The following TEX36 variants were observed in gnomAD, a reference collection of about 807,000 sequenced individuals.
TEX36 encodes testis-expressed protein 36.
Under a neutral mutation model 13.6 loss-of-function variants are expected in TEX36, and 12 were observed. The observed-to-expected ratio is 0.88, with a 90% CI of 0.56 to 1.43. The LOEUF is 1.43. TEX36 is among the 40% of genes most tolerant of loss of function. The probability of loss-of-function intolerance (pLI) is 0.00; values close to 1 mark genes in which losing one functional copy is unlikely to be tolerated. For missense variants in TEX36, 224 were observed against 228.3 expected (o/e 0.98, Z 0.12); for synonymous variants, 93 against 83.0 (o/e 1.12, Z -0.65).
chr10:125,639,033 G>A (rs1846652998), intron 3 of TEX36, among the ~76,000 whole-genome samples: 1 of 152,240 alleles, frequency 6.6e-6, no homozygotes, highest in Non-Finnish European at 1.5e-5. Context: ...AATGTGTTTA[G>A]TGCTTTAGTA....
chr10:125,667,352 T>C (rs1376996965), intron 1 of TEX36: 1 of 645,820 alleles, frequency 1.5e-6, no homozygotes, highest in Non-Finnish European at 3.0e-6. Context: ...CTGGCAGTGC[T>C]TCAAGTCATG....
At chr10:125,678,406 G>C (rs1461520167) in intron 1 of TEX36, among the ~76,000 whole-genome samples, 1 of 152,112 alleles carries the variant, frequency 6.6e-6, no homozygotes, top group Admixed American at 6.5e-5. Context: ...AGGCCCCATT[G>C]GTGGCAGCAG....
chr10:125,624,808 AG>A (rs1227046705), intron 3 of TEX36, among the ~76,000 whole-genome samples: 1 of 152,114 alleles, frequency 6.6e-6, no homozygotes, highest in Non-Finnish European at 1.5e-5. Context: ...GGCAGATCCC[AG>A]GGAAAGTGAC....
intron 3 of TEX36, among the ~76,000 whole-genome samples, chr10:125,579,390 C>G (rs1845859856): frequency 6.6e-6 from 1 of 152,170 alleles, no homozygotes; most frequent in South Asian, 2.1e-4. Flanking sequence ...AATTCACTCA[C>G]TATCATGAGA....
chr10:125,588,568 A>G (rs989502778), intron 3 of TEX36, among the ~76,000 whole-genome samples: 10 of 150,986 alleles, frequency 6.6e-5, no homozygotes, highest in African/African-American at 2.5e-4. Flanking sequence ...AAAGAGGGAG[A>G]GAAGCGGGAG....
At chr10:125,676,516 G>A (rs746219663) in intron 1 of TEX36, among the ~76,000 whole-genome samples, 2 of 151,666 alleles carry the variant, frequency 1.3e-5, no homozygotes, top group Non-Finnish European at 1.5e-5. Flanking sequence ...CTGGCAAAGT[G>A]AGTTTCTTGT....
intron 1 of TEX36, among the ~76,000 whole-genome samples, chr10:125,681,978 T>G (rs1847402201): frequency 1.3e-5 from 2 of 152,338 alleles, no homozygotes; most frequent in South Asian, 4.1e-4. Flanking sequence ...TTTGCTGAAG[T>G]GTTTTCTGTT....
chr10:125,622,662 G>C lies in TEX36; in HGVS notation c.265-1017C>G, dbSNP rs147450032. Among the ~76,000 whole-genome samples, 1,415 of 152,296 alleles carry C rather than the reference G, an allele frequency of 9.3e-3. 10 individuals carry two copies. Among genetic ancestry groups the C allele is most frequent in the Middle Eastern group, 0.034 (10 of 294 alleles). ...GGGATGGATTCAGTGTGGTATGGTC[G>C]TAGAGCCATTGACCTTAATCCCAGG... On this transcript the variant is annotated intron_variant, in intron 3 of 3. Transcript: ENST00000526819.
chr10:125,654,854 G>T (rs1299295702), downstream of TEX36, among the ~76,000 whole-genome samples: 1 of 152,146 alleles, frequency 6.6e-6, no homozygotes, highest in Non-Finnish European at 1.5e-5. Context: ...CAAAGCCAAT[G>T]CATTATTTCT....
chr10:125,682,402 T>G (rs940749553), intron 1 of TEX36, among the ~76,000 whole-genome samples: 1 of 152,224 alleles, frequency 6.6e-6, no homozygotes, highest in African/African-American at 2.4e-5. Context: ...TGGACTCTTC[T>G]CATTTCATAG....
chr10:125,652,879 A>G (rs1846881450), downstream of TEX36, among the ~76,000 whole-genome samples: 1 of 152,256 alleles, frequency 6.6e-6, no homozygotes, highest in African/African-American at 2.4e-5. Context: ...CAACAGACAC[A>G]TGAAAAAATG....
At chr10:125,636,018 T>G (rs1008379477) in intron 3 of TEX36, among the ~76,000 whole-genome samples, 3 of 149,844 alleles carry the variant, frequency 2.0e-5, no homozygotes, top group Non-Finnish European at 1.5e-5. Flanking sequence ...GGATTACAGG[T>G]GCACACTACC....
chr10:125,668,057 C>T, intron 1 of TEX36: 1 of 635,034 alleles, frequency 1.6e-6, no homozygotes, highest in Non-Finnish European at 2.8e-6. Flanking sequence ...CCAGGGATCT[C>T]CTAAAATAAC....
intron 3 of TEX36, among the ~76,000 whole-genome samples, chr10:125,586,076 G>A (rs1353105146): frequency 2.6e-5 from 4 of 152,186 alleles, no homozygotes; most frequent in African/African-American, 9.7e-5. Flanking sequence ...GGGACACAGA[G>A]CTCAAATGAC....
chr10:125,677,129 T>A (rs1336135186), intron 1 of TEX36, among the ~76,000 whole-genome samples: 3 of 152,202 alleles, frequency 2.0e-5, no homozygotes, highest in Non-Finnish European at 2.9e-5. Flanking sequence ...TTTTAAAAAA[T>A]TTGTTCTGTA....
intron 1 of TEX36, among the ~76,000 whole-genome samples, chr10:125,666,348 C>T (rs1458430986): frequency 3.9e-5 from 6 of 152,036 alleles, no homozygotes; most frequent in Non-Finnish European, 8.8e-5. Context: ...TGTATATGGT[C>T]TTTGTTATTT....
intron 3 of TEX36, among the ~76,000 whole-genome samples, chr10:125,600,144 C>A (rs1201702064): frequency 6.6e-6 from 1 of 152,200 alleles, no homozygotes; most frequent in East Asian, 1.9e-4. Context: ...TGGCAGGTAA[C>A]TTATGACCTG....
chr10:125,613,780 C>A lies in TEX36; in HGVS notation c.265-36906G>T, dbSNP rs370242744. ...CTTTATAGCAGCATGATTTATAGTC[C>A]TTTGGGTATATACCCAGTAATGGGA... On this transcript the variant is annotated intron_variant, in intron 3 of 3. Transcript: ENST00000532135. Among the ~76,000 whole-genome samples the A allele has an allele frequency of 7.3e-3, 1,108 of 152,158 alleles. 14 individuals are homozygous for A. Among genetic ancestry groups the A allele is most frequent in the African/African-American group, 0.025 (1,052 of 41,522 alleles).
At chr10:125,629,019 C>G (rs987409658) in intron 3 of TEX36, among the ~76,000 whole-genome samples, 15 of 152,326 alleles carry the variant, frequency 9.8e-5, no homozygotes, top group Middle Eastern at 3.4e-3. Context: ...TTAAGAAAAG[C>G]TATTTCATTG....
Sources: gnomAD v4.1 joint callset for allele counts (sites outside exome capture counted in the v4.1 genomes callset) on GRCh38, gnomAD v4.1.1 for gene constraint, MANE v1.5 for transcripts, NCBI Gene and HGNC (gene_info 2026-07-23, HGNC 2026-07-21) for gene names.